Variants in TEP1 observed in about 807,000 individuals in gnomAD.
TEP1 encodes the protein telomerase associated protein 1.
Under a neutral mutation model 306.3 loss-of-function variants are expected in TEP1, and 241 were observed. The ratio of observed to expected loss-of-function variants is 0.79; its 90% confidence interval spans 0.71 to 0.88. The LOEUF (loss-of-function observed/expected upper bound fraction) is 0.88. TEP1 is among the 40% of genes least tolerant of loss of function. TEP1 has a pLI of 0.00. For missense variants in TEP1, 3,051 were observed against 3,276.1 expected (o/e 0.93, Z 1.68); for synonymous variants, 1,289 against 1,305.5 (o/e 0.99, Z 0.27).
chr14:20,386,649 C>A, intron 18 of TEP1, 26 bp from the exon 19 acceptor site: 1 of 1,564,564 alleles, frequency 6.4e-7, no homozygotes, highest in Non-Finnish European at 8.7e-7. Context: ...GAGCTGGGCT[C>A]AGTCTAGGGA....
chr14:20,377,946 G>T, intron 39 of TEP1, 78 bp downstream of exon 39: 1 of 1,555,728 alleles, frequency 6.4e-7, no homozygotes, highest in South Asian at 1.1e-5. Flanking sequence ...CTCGACAAAG[G>T]ACCCCCACCC....
At chr14:20,410,801 G>GT (rs1879616592) in intron 1 of TEP1, among the ~76,000 whole-genome samples, 1 of 25,462 alleles carries the variant, frequency 3.9e-5, no homozygotes, top group East Asian at 1.7e-3. Context: ...TCTCCTTTGT[G>GT]GTTTTTTTTT....
At chr14:20,410,847 G>C (rs368981087) in intron 1 of TEP1, among the ~76,000 whole-genome samples, 2 of 126,924 alleles carry the variant, frequency 1.6e-5, no homozygotes, top group African/African-American at 2.9e-5. Flanking sequence ...TTTTTGAAAC[G>C]GAGTCTCACT....
In TEP1 at chr14:20,409,150, A is replaced by G. The variant is rs528233605; in HGVS notation, c.-24-687T>C. ...AAGGAACTTTTTCTTACTCCCATAA[A>G]TAAATATATCTTGGCCTTTATCTTA... is the stretch of plus-strand genomic sequence containing the variant. On this transcript the variant is annotated intron_variant, in intron 1 of 54. Coordinates refer to ENST00000262715, the MANE Select transcript of TEP1 (RefSeq NM_007110.5). 4.0e-4 allele frequency among the ~76,000 whole-genome samples: 61 copies of G among 152,348 alleles called. No individual in the cohort carries two copies. The Middle Eastern group carries it at 0.01, about 25-fold the overall frequency.
At chr14:20,384,938 C>A (rs1318850500) in intron 21 of TEP1, 47 bp downstream of exon 21, 2 of 1,613,120 alleles carry the variant, frequency 1.2e-6, no homozygotes, top group African/African-American at 1.3e-5. Context: ...ACTGGCCTGT[C>A]TGGCCTTTTG....
chr14:20,401,534 C>T lies in TEP1; in HGVS notation c.1314G>A (p.Arg438=), dbSNP rs1292465614. Residue 438 remains arginine (R), a synonymous_variant, in exon 8 of 55, where the codon AGG becomes AGA. Transcript: ENST00000262715. ...DTVSEKKNPP[R]FTLKKLVQRL... ...GCTGAACCAGCTTCTTCAGGGTGAACCTTGGAGGATTCTTTTTCTCTGACA... is the reference window on the plus strand; with the variant it reads ...GCTGAACCAGCTTCTTCAGGGTGAATCTTGGAGGATTCTTTTTCTCTGACA... The T allele has an allele frequency of 1.2e-6, 2 of 1,614,184 alleles. No individual in the cohort carries two copies. Among genetic ancestry groups the T allele is most frequent in the East Asian group, 2.2e-5 (1 of 44,886 alleles).
At chr14:20,382,788 C>G (rs1196222569) in intron 27 of TEP1, 73 bp from the exon 28 acceptor site, 12 of 1,432,364 alleles carry the variant, frequency 8.4e-6, no homozygotes, top group African/African-American at 1.4e-5. Flanking sequence ...CAGCACCAGC[C>G]CCTCTGCCAG....
chr14:20,376,329 C>G, intron 41 of TEP1, 65 bp from the exon 42 acceptor site: 1 of 1,546,680 alleles, frequency 6.5e-7, no homozygotes, highest in Non-Finnish European at 8.8e-7. Flanking sequence ...CCCTGGGAGG[C>G]CAAAGACAGG....
intron 35 of TEP1, 130 bp downstream of exon 35, chr14:20,379,800 G>T: frequency 1.6e-6 from 2 of 1,264,894 alleles, no homozygotes; most frequent in Non-Finnish European, 2.1e-6. Flanking sequence ...AGCCCTTTGA[G>T]CTGATGTGCA....
chr14:20,404,503 G>A, intron 5 of TEP1, 108 bp downstream of exon 5: 3 of 1,394,074 alleles, frequency 2.2e-6, no homozygotes, highest in Non-Finnish European at 2.9e-6. Context: ...CCAATGCTGA[G>A]GAAAGCTGAG....
intron 15 of TEP1, among the ~76,000 whole-genome samples, chr14:20,390,426 C>T (rs573412334): frequency 6.6e-6 from 1 of 152,202 alleles, no homozygotes; most frequent in Non-Finnish European, 1.5e-5. Flanking sequence ...ATGTCGATAG[C>T]TTGAAATCAG....
intron 7 of TEP1, among the ~76,000 whole-genome samples, chr14:20,402,929 C>T (rs935091070): frequency 4.6e-5 from 7 of 151,998 alleles, no homozygotes; most frequent in African/African-American, 1.7e-4. Context: ...GAGGTCAAGG[C>T]AGGTGGATCA....
In TEP1 at chr14:20,372,998, T is replaced by A; in HGVS notation, c.6951+13A>T. On this transcript the variant is annotated intron_variant, in intron 48 of 54. Transcript: ENST00000262715. ...ATTCACACAGACAAAGAACCAAGGGTACACCGACTCACCTGTGCTGTGGCC... is the reference window on the plus strand; with the variant it reads ...ATTCACACAGACAAAGAACCAAGGGAACACCGACTCACCTGTGCTGTGGCC... 1 of 1,613,992 alleles carries A rather than the reference T, an allele frequency of 6.2e-7. No homozygotes were observed. The highest frequency in any genetic ancestry group is 1.1e-5 in the South Asian group (1 of 91,070).
Position 20,396,093 on chromosome 14 carries a change from G to T in TEP1, c.1660-144C>A. 5.7e-6 allele frequency: 3 copies of T among 527,376 alleles called. 1 individual carries two copies. In the South Asian group the frequency reaches 1.1e-4, roughly 19 times the overall value. 32.7% of individuals were successfully genotyped at this position (527,376 alleles called of 1,614,324 possible). A position where few individuals can be genotyped will look rare whatever the true frequency, so the allele number is the denominator to read the frequency against. On this transcript the variant is annotated intron_variant, in intron 10 of 54. Transcript: ENST00000262715. ...AGATATAGAAAAGGGGTAATAAGAA[G>T]AAAGAAAAAAGTCATCATTTTAGGA...
Position 20,403,943 on chromosome 14 carries a change from A to G in TEP1, c.1033-59T>C, listed in dbSNP as rs75479437. 2.6e-3 allele frequency: 4,259 copies of G among 1,607,636 alleles called. 111 individuals carry two copies. In the African/African-American group the frequency reaches 0.05, roughly 19 times the overall value. On this transcript the variant is annotated intron_variant, in intron 5 of 54. Transcript: ENST00000262715. ...AGACCCAAACCAACCCTCCAAAACAAAACGAGATCACTTCATGGAGATACA... is the reference window on the plus strand; with the variant it reads ...AGACCCAAACCAACCCTCCAAAACAGAACGAGATCACTTCATGGAGATACA...
At chr14:20,400,679 T>G in intron 9 of TEP1, 1 of 272,542 alleles carries the variant, frequency 3.7e-6, no homozygotes. Context: ...CCTACCTTTT[T>G]TGGAATGAGT....
chr14:20,405,484 T>C lies in TEP1; in HGVS notation c.837A>G (p.Glu279=). 1 of 1,614,134 alleles carries C rather than the reference T, an allele frequency of 6.2e-7. No homozygotes were observed. Among genetic ancestry groups the C allele is most frequent in the Non-Finnish European group, 8.5e-7 (1 of 1,180,010 alleles). Residue 279 remains glutamate, a synonymous_variant, in exon 4 of 55, where the codon GAA becomes GAG. Transcript: ENST00000262715. ...TLAAIFEICR[E]LALLEPEFIL... Reference sequence around the variant, plus strand: ...TAAACTCAGGCTCCAGGAGGGCAAGTTCACGACAGATTTCAAAAATGGCAG... The same window carrying C: ...TAAACTCAGGCTCCAGGAGGGCAAGCTCACGACAGATTTCAAAAATGGCAG...
intron 1 of TEP1, among the ~76,000 whole-genome samples, chr14:20,410,568 GC>G (rs1398207696): frequency 6.7e-6 from 1 of 148,908 alleles, no homozygotes; most frequent in East Asian, 2.0e-4. Flanking sequence ...AATTACAGGC[GC>G]CCGCCACTAT....
At chr14:20,409,238 TTGCTTTCCATGA>T (rs1232289478) in intron 1 of TEP1, among the ~76,000 whole-genome samples, 1 of 152,236 alleles carries the variant, frequency 6.6e-6, no homozygotes, top group Non-Finnish European at 1.5e-5. Flanking sequence ...CTCTCTTCCT[TTGCTTTCCATGA>T]TGCTACTGTC....
Sources: allele counts gnomAD v4.1 joint callset (sites outside exome capture counted in the v4.1 genomes callset), GRCh38; gene constraint gnomAD v4.1.1; transcripts MANE v1.5; gene names NCBI Gene and HGNC (gene_info 2026-07-23, HGNC 2026-07-21).